Variants in CYB5R4 observed in about 807,000 individuals in gnomAD.
CYB5R4 encodes the protein N-terminal cytochrome b5 and cytochrome b5 oxidoreductase domain-containing protein.
In CYB5R4, 55 loss-of-function variants were observed where a neutral mutation model predicts 70.2. The observed-to-expected ratio is 0.78, with a 90% CI of 0.63 to 0.98. The LOEUF (loss-of-function observed/expected upper bound fraction) is 0.98, where lower values mean the gene tolerates loss of function less well. CYB5R4 is among the 50% of genes least tolerant of loss of function. The pLI, the probability that CYB5R4 is intolerant of heterozygous loss-of-function variation, is 0.00. For synonymous variants in CYB5R4, 197 were observed against 199.5 expected (o/e 0.99, Z 0.11); for missense variants, 562 against 612.6 (o/e 0.92, Z 0.87).
chr6:83,864,665 C>G (rs569873285), intron 2 of CYB5R4, among the ~76,000 whole-genome samples: 152 of 152,090 alleles, frequency 1.0e-3, no homozygotes, highest in African/African-American at 3.3e-3. Flanking sequence ...CTTTCTGTCT[C>G]AGAGCCTTAT....
rs913022346 is a variant in CYB5R4 at position 83,958,405 on chromosome 6, C to T, written c.1512-1419C>T. Among the ~76,000 whole-genome samples, 3 of 151,990 alleles carry T rather than the reference C, an allele frequency of 2.0e-5. No homozygotes were observed. In the South Asian group the frequency reaches 6.2e-4, roughly 32 times the overall value. ...GGAGAGATGGGTTACTTTTACCTAGCGATGTGTGTGTTGGAGAGACAGGAG... is the reference window on the plus strand; with the variant it reads ...GGAGAGATGGGTTACTTTTACCTAGTGATGTGTGTGTTGGAGAGACAGGAG... On this transcript the variant is annotated intron_variant, in intron 15 of 15. Coordinates refer to ENST00000369681, the MANE Select transcript of CYB5R4 (RefSeq NM_016230.4).
intron 15 of CYB5R4, among the ~76,000 whole-genome samples, chr6:83,957,419 G>A (rs1427574409): frequency 2.0e-5 from 3 of 151,872 alleles, no homozygotes; most frequent in East Asian, 1.9e-4. Flanking sequence ...TCAGGAGTTC[G>A]AGACCAGCCT....
At chr6:83,908,947 A>G in intron 3 of CYB5R4, 62 bp from the exon 4 acceptor site, 3 of 1,419,944 alleles carry the variant, frequency 2.1e-6, no homozygotes, top group African/African-American at 1.4e-5. Flanking sequence ...TGCTCGTACT[A>G]AAATGAGAGC....
intron 2 of CYB5R4, among the ~76,000 whole-genome samples, chr6:83,866,120 C>G (rs1315940905): frequency 6.6e-6 from 1 of 152,184 alleles, no homozygotes; most frequent in African/African-American, 2.4e-5. Flanking sequence ...GCCCAGGCTG[C>G]AGGCATGCCT....
intron 3 of CYB5R4, among the ~76,000 whole-genome samples, chr6:83,894,471 T>G (rs543484699): frequency 6.6e-6 from 1 of 152,318 alleles, no homozygotes; most frequent in South Asian, 2.1e-4. Flanking sequence ...TCTCATCCAT[T>G]TTAGGACTTG....
Position 83,963,925 on chromosome 6 carries a change from TG to T in CYB5R4, c.*4049del. ...GGTAGTGAATAACTCTCACAAGACC[TG>T]GTGGTTTTATCAGGGGTTTCCGCTT... On this transcript the variant is annotated 3_prime_UTR_variant, in exon 16 of 16. Transcript: ENST00000369681. 1 of 187,648 alleles carries T rather than the reference TG, an allele frequency of 5.3e-6. No homozygotes were observed. The highest frequency in any genetic ancestry group is 1.1e-5 in the Non-Finnish European group (1 of 93,468). The allele number at this position is 187,648 out of a possible 1,614,324, so 11.6% of individuals were successfully genotyped here.
At chr6:83,872,367 G>A (rs749416014) in intron 2 of CYB5R4, among the ~76,000 whole-genome samples, 9 of 152,132 alleles carry the variant, frequency 5.9e-5, no homozygotes, top group Non-Finnish European at 1.2e-4. Context: ...AATGAGGTAG[G>A]TCCTCCATTT....
At chr6:83,948,765 C>T (rs913863406) in intron 14 of CYB5R4, among the ~76,000 whole-genome samples, 48 of 151,908 alleles carry the variant, frequency 3.2e-4, no homozygotes, top group African/African-American at 1.0e-3. Flanking sequence ...TTTTTTCTTT[C>T]GTTTTGATCT....
chr6:83,918,154 T>C, intron 6 of CYB5R4, 89 bp downstream of exon 6: 1 of 929,046 alleles, frequency 1.1e-6, no homozygotes, highest in East Asian at 2.6e-5. Context: ...CTGGGTTTGA[T>C]TTATTGCTTA....
Position 83,964,014 on chromosome 6 carries a change from G to T in CYB5R4, c.*4136G>T. The T allele has an allele frequency of 4.3e-6, 1 of 230,062 alleles. No individual in the cohort carries two copies. Among genetic ancestry groups the T allele is most frequent in the Non-Finnish European group, 8.4e-6 (1 of 119,724 alleles). The allele number at this position is 230,062 out of a possible 1,614,324, so 14.3% of individuals were successfully genotyped here. Reference sequence around the variant, plus strand: ...AGAAGTGCCTTTCACCTCCTGCCATGATTCTGAGGCCTCCCCAGCCATGTG... The same window carrying T: ...AGAAGTGCCTTTCACCTCCTGCCATTATTCTGAGGCCTCCCCAGCCATGTG... On this transcript the variant is annotated 3_prime_UTR_variant, in exon 16 of 16. Coordinates refer to ENST00000369681, the MANE Select transcript of CYB5R4 (RefSeq NM_016230.4).
In CYB5R4 at chr6:83,918,020, G is replaced by A; in HGVS notation, c.461G>A (p.Ser154Asn). The A allele has an allele frequency of 6.2e-7, 1 of 1,610,910 alleles. No homozygotes were observed. Residue 154 changes from serine to asparagine, a missense_variant, in exon 6 of 16, where the codon AGC becomes AAC. Transcript: ENST00000369681. Reference sequence around the variant, plus strand: ...CTTTGTAAAGGCATGCTTCCCAAGAGCCAAGTGACAGATACACTTGCCAAA... The same window carrying A: ...CTTTGTAAAGGCATGCTTCCCAAGAACCAAGTGACAGATACACTTGCCAAA... ...KKVLNGMLPK[S>N]QVTDTLAKEG... is the part of the protein sequence containing the mutation.
chr6:83,896,005 A>G (rs1275182363), intron 3 of CYB5R4, among the ~76,000 whole-genome samples: 3 of 152,148 alleles, frequency 2.0e-5, no homozygotes, highest in Admixed American at 6.5e-5. Context: ...TTAATGCCCT[A>G]TACTTCAACT....
chr6:83,860,993 T>G (rs2099455841), intron 1 of CYB5R4, among the ~76,000 whole-genome samples: 1 of 152,254 alleles, frequency 6.6e-6, no homozygotes, highest in South Asian at 2.1e-4. Flanking sequence ...GAAATTTCAT[T>G]TACTGATTCA....
At chr6:83,958,772 A>C (rs2099472851) in intron 15 of CYB5R4, among the ~76,000 whole-genome samples, 1 of 152,104 alleles carries the variant, frequency 6.6e-6, no homozygotes, top group South Asian at 2.1e-4. Flanking sequence ...TCTTACAATC[A>C]TTTGCTGGGT....
intron 4 of CYB5R4, among the ~76,000 whole-genome samples, chr6:83,913,647 T>C (rs1286476918): frequency 2.0e-5 from 3 of 152,220 alleles, no homozygotes; most frequent in Non-Finnish European, 4.4e-5. Flanking sequence ...TTGAAAGCTT[T>C]GATTTTAAAT....
chr6:83,952,133 G>A (rs1299606484), intron 14 of CYB5R4, among the ~76,000 whole-genome samples: 1 of 152,020 alleles, frequency 6.6e-6, no homozygotes, highest in African/African-American at 2.4e-5. Context: ...GGAAATAAAG[G>A]GATTCTAAGC....
intron 3 of CYB5R4, among the ~76,000 whole-genome samples, chr6:83,898,038 T>G (rs1763286887): frequency 6.6e-6 from 1 of 152,116 alleles, no homozygotes; most frequent in South Asian, 2.1e-4. Flanking sequence ...ATTTAAAGAC[T>G]TAAAAACATT....
At chr6:83,894,542 A>G (rs935620128) in intron 3 of CYB5R4, among the ~76,000 whole-genome samples, 2 of 152,184 alleles carry the variant, frequency 1.3e-5, no homozygotes, top group African/African-American at 2.4e-5. Flanking sequence ...TGAACAATAC[A>G]GGGATTAGGG....
chr6:83,864,926 C>A (rs1389679552), intron 2 of CYB5R4, among the ~76,000 whole-genome samples: 1 of 151,782 alleles, frequency 6.6e-6, no homozygotes, highest in East Asian at 1.9e-4. Flanking sequence ...TTGTGGTAGC[C>A]AACAACCTGA....
Sources: allele counts gnomAD v4.1 joint callset (sites outside exome capture counted in the v4.1 genomes callset), GRCh38; gene constraint gnomAD v4.1.1; transcripts MANE v1.5; gene names NCBI Gene and HGNC (gene_info 2026-07-23, HGNC 2026-07-21).